The following CDKN2B-AS1 variants were observed in gnomAD, a reference collection of about 807,000 sequenced individuals.
CDKN2B-AS1 encodes the protein CDKN2B antisense RNA 1 (non-protein coding).
intron 1 of CDKN2B-AS1, chr9:22,009,066 G>C: frequency 6.6e-7 from 1 of 1,511,694 alleles, no homozygotes; most frequent in Non-Finnish European, 9.1e-7. Context: ...CTTCCTAGGA[G>C]ACCTGGGCTC....
In CDKN2B-AS1 at chr9:22,001,210, A is replaced by G. The variant is rs891889183; in HGVS notation, n.29+6049A>G. 2.6e-5 allele frequency among the ~76,000 whole-genome samples: 4 copies of G among 152,182 alleles called. No individual in the cohort carries two copies. The highest frequency in any genetic ancestry group is 9.6e-5 in the African/African-American group (4 of 41,458). Reference sequence around the variant, plus strand: ...TATGCATTTGGGGAGGAGGCCAAATATGAGAAATAAGACATGGTTTACTTA... The same window carrying G: ...TATGCATTTGGGGAGGAGGCCAAATGTGAGAAATAAGACATGGTTTACTTA... On this transcript the variant is annotated intron_variant and non_coding_transcript_variant, in intron 1 of 4. Coordinates refer to ENST00000650946, the Ensembl canonical transcript of CDKN2B-AS1. This position sits in a 1 kb window ranked among gnomAD's most constrained non-coding sequence, Gnocchi z 4.2.
intron 4 of CDKN2B-AS1, among the ~76,000 whole-genome samples, chr9:22,109,374 C>T (rs1168173427): frequency 6.6e-6 from 1 of 152,100 alleles, no homozygotes; most frequent in African/African-American, 2.4e-5. Flanking sequence ...TCTATTTTTT[C>T]TTTGGAATAA....
chr9:22,101,359 A>G (rs1212925358), intron 4 of CDKN2B-AS1, among the ~76,000 whole-genome samples: 2 of 152,194 alleles, frequency 1.3e-5, no homozygotes, highest in Non-Finnish European at 2.9e-5. Flanking sequence ...TAATGCTTTT[A>G]TAAGATACTC....
chr9:22,013,158 CAG>C (rs1041735050), intron 1 of CDKN2B-AS1, among the ~76,000 whole-genome samples: 13 of 152,126 alleles, frequency 8.5e-5, no homozygotes, highest in African/African-American at 3.1e-4. Flanking sequence ...GGACACCAGT[CAG>C]ATTGGATTAG....
intron 1 of CDKN2B-AS1, among the ~76,000 whole-genome samples, chr9:22,026,954 C>T (rs975023306): frequency 2.0e-5 from 3 of 152,116 alleles, no homozygotes; most frequent in South Asian, 4.1e-4. Flanking sequence ...AGGGGAGTTT[C>T]CCTTGACTCC....
intron 4 of CDKN2B-AS1, among the ~76,000 whole-genome samples, chr9:22,123,191 G>C (rs1826134931): frequency 6.6e-6 from 1 of 152,002 alleles, no homozygotes; most frequent in African/African-American, 2.4e-5. Context: ...ACTGATTTTT[G>C]TATATTGATA....
chr9:22,027,861 A>G (rs542414470), intron 1 of CDKN2B-AS1, among the ~76,000 whole-genome samples: 2 of 152,350 alleles, frequency 1.3e-5, no homozygotes, highest in South Asian at 2.1e-4. Flanking sequence ...AAATTGAAAA[A>G]GAAATGTGAA....
intron 1 of CDKN2B-AS1, among the ~76,000 whole-genome samples, chr9:22,042,862 C>T (rs1020041232): frequency 6.6e-6 from 1 of 152,040 alleles, no homozygotes; most frequent in Non-Finnish European, 1.5e-5. Flanking sequence ...TACTTAAACC[C>T]TTCTAATCAA....
chr9:22,112,612 G>C (rs1423903269), intron 4 of CDKN2B-AS1, among the ~76,000 whole-genome samples: 5 of 152,122 alleles, frequency 3.3e-5, no homozygotes, highest in African/African-American at 1.2e-4. Flanking sequence ...GAAGGTAGTA[G>C]AATAGGCAGA....
intron 1 of CDKN2B-AS1, chr9:22,029,445 C>T (rs374020351): frequency 6.2e-5 from 48 of 779,546 alleles, no homozygotes; most frequent in Non-Finnish European, 1.1e-4. Context: ...CTATTTGCCA[C>T]GACATTTCAA....
chr9:22,076,117 G>A (rs762698328), intron 4 of CDKN2B-AS1, among the ~76,000 whole-genome samples: 5 of 151,736 alleles, frequency 3.3e-5, no homozygotes, highest in African/African-American at 4.9e-5. Flanking sequence ...GCAATGCCAC[G>A]ATTTCAGCTC....
intron 4 of CDKN2B-AS1, chr9:22,118,337 A>C (rs972014472): frequency 6.6e-6 from 1 of 151,732 alleles, no homozygotes; most frequent in Non-Finnish European, 1.5e-5. Context: ...GCCCCACCCC[A>C]CTCCACTCCC....
At chr9:22,057,588 T>G (rs200069090) in intron 4 of CDKN2B-AS1, among the ~76,000 whole-genome samples, 2 of 151,910 alleles carry the variant, frequency 1.3e-5, no homozygotes, top group East Asian at 3.9e-4. Context: ...GTGGGCTGAT[T>G]GCTTGAGCTC....
At chr9:22,021,947 C>T (rs2131224575) in intron 1 of CDKN2B-AS1, among the ~76,000 whole-genome samples, 1 of 152,272 alleles carries the variant, frequency 6.6e-6, no homozygotes, top group Middle Eastern at 3.4e-3. Flanking sequence ...GTTTCACTTT[C>T]CGTGTAATTG....
chr9:22,103,976 C>G (rs796105534), intron 4 of CDKN2B-AS1, among the ~76,000 whole-genome samples: 3 of 152,126 alleles, frequency 2.0e-5, no homozygotes, highest in Non-Finnish European at 2.9e-5. Flanking sequence ...TATACATATA[C>G]GTAAATTCTA....
At chr9:22,016,145 G>T (rs1403317813) in intron 1 of CDKN2B-AS1, among the ~76,000 whole-genome samples, 2 of 152,034 alleles carry the variant, frequency 1.3e-5, no homozygotes, top group African/African-American at 4.8e-5. Flanking sequence ...ATTGCTTTTG[G>T]TGTTTTAGAC....
intron 4 of CDKN2B-AS1, among the ~76,000 whole-genome samples, chr9:22,080,583 A>C (rs1824659504): frequency 6.6e-6 from 1 of 152,250 alleles, no homozygotes; most frequent in Non-Finnish European, 1.5e-5. Context: ...GAAATGTTTA[A>C]CAATTAAAAC....
intron 1 of CDKN2B-AS1, among the ~76,000 whole-genome samples, chr9:22,032,249 C>T (rs1822509319): frequency 6.6e-6 from 1 of 152,072 alleles, no homozygotes; most frequent in African/African-American, 2.4e-5. Flanking sequence ...TGGTTGTGAG[C>T]CCCAGGCACT....
chr9:22,098,185 G>T (rs928231440), intron 4 of CDKN2B-AS1, among the ~76,000 whole-genome samples: 1 of 149,234 alleles, frequency 6.7e-6, no homozygotes, highest in Non-Finnish European at 1.5e-5. Context: ...GTGTGTGTGT[G>T]TATTTATATA....
Sources: allele counts gnomAD v4.1 joint callset (sites outside exome capture counted in the v4.1 genomes callset), GRCh38; gene constraint gnomAD v4.1.1; non-coding constraint Gnocchi (gnomAD v3.1); transcripts MANE v1.5; gene names NCBI Gene and HGNC (gene_info 2026-07-23, HGNC 2026-07-21).